STX2: variants seen among roughly 807,000 people sequenced by gnomAD.
STX2 encodes syntaxin-2.
STX2 carries 27 observed loss-of-function variants against 40.6 expected under a neutral mutation model. The ratio of observed to expected loss-of-function variants is 0.66; its 90% confidence interval spans 0.49 to 0.92. The LOEUF (loss-of-function observed/expected upper bound fraction) is 0.92, where lower values mean the gene tolerates loss of function less well. Among genes scored for constraint, STX2 ranks in the 40% least tolerant of loss-of-function variants. The probability of loss-of-function intolerance (pLI) is 0.00; values close to 1 mark genes in which losing one functional copy is unlikely to be tolerated. For synonymous variants in STX2, 123 were observed against 119.1 expected (o/e 1.03, Z -0.22); for missense variants, 328 against 366.1 (o/e 0.90, Z 0.85).
In STX2 at chr12:130,831,042, A is replaced by G. The variant is rs73457401; in HGVS notation, c.31-3775T>C. The stretch of plus-strand genomic sequence containing the variant: ...CTCCCTGTGTGAATACTATTGTCAG[A>G]AACAGGTAGCAGGTAGCTTCCTGGT... On this transcript the variant is annotated intron_variant, in intron 1 of 10. Transcript: ENST00000392373. 4.4e-3 allele frequency among the ~76,000 whole-genome samples: 672 copies of G among 152,356 alleles called. 10 individuals carry two copies. Among genetic ancestry groups the G allele is most frequent in the African/African-American group, 0.016 (649 of 41,586 alleles).
chr12:130,831,264 T>G (rs914594382), intron 1 of STX2, among the ~76,000 whole-genome samples: 7 of 152,220 alleles, frequency 4.6e-5, no homozygotes, highest in Non-Finnish European at 7.3e-5. Flanking sequence ...TTATAAACCT[T>G]GACATATACA....
intron 9 of STX2, among the ~76,000 whole-genome samples, chr12:130,796,915 C>T (rs1468160974): frequency 6.6e-6 from 1 of 152,162 alleles, no homozygotes; most frequent in Non-Finnish European, 1.5e-5. Flanking sequence ...CTCTGAGGGC[C>T]ACATGGCTCC....
intron 9 of STX2, 43 bp downstream of exon 9, chr12:130,798,482 A>G (rs1158556043): frequency 4.0e-6 from 6 of 1,482,742 alleles, no homozygotes; most frequent in Non-Finnish European, 5.5e-6. Context: ...TTGAAACCAA[A>G]TGAAGAGAAA....
At chr12:130,807,716 A>C (rs77570586) in intron 5 of STX2, among the ~76,000 whole-genome samples, 9,656 of 152,322 alleles carry the variant, frequency 0.063, 405 homozygotes, top group Non-Finnish European at 0.092. Context: ...TACTCTTTGG[A>C]ATAGAACTCT....
rs753212507 is a variant in STX2 at position 130,790,349 on chromosome 12, A to C, written c.*1674T>G. ...AATCAGGCATCTCTACATTAGTTTCAAACCAAATGGTGTTAAAAGTCACAT... is the reference window on the plus strand; with the variant it reads ...AATCAGGCATCTCTACATTAGTTTCCAACCAAATGGTGTTAAAAGTCACAT... On this transcript the variant is annotated 3_prime_UTR_variant, in exon 11 of 11. Coordinates refer to ENST00000392373, the MANE Select transcript of STX2 (RefSeq NM_194356.4). 3.9e-5 allele frequency: 6 copies of C among 152,188 alleles called. No individual in the cohort carries two copies. The highest frequency in any genetic ancestry group is 5.9e-5 in the Non-Finnish European group (4 of 68,032). The allele number at this position is 152,188 out of a possible 1,614,324, so 9.4% of individuals were successfully genotyped here.
intron 4 of STX2, 90 bp from the exon 5 acceptor site, chr12:130,808,794 G>T: frequency 8.7e-7 from 1 of 1,143,516 alleles, no homozygotes. Flanking sequence ...TCTTATCTTT[G>T]AAGTATCTTT....
chr12:130,795,874 G>T (rs992150148), intron 10 of STX2, 121 bp downstream of exon 10: 2 of 1,203,212 alleles, frequency 1.7e-6, no homozygotes, highest in South Asian at 1.8e-5. Context: ...TCACTAGATG[G>T]CATTATCTGT....
In STX2 at chr12:130,818,204, A is replaced by G. The variant is rs1951957951; in HGVS notation, c.205+3485T>C. On this transcript the variant is annotated intron_variant, in intron 3 of 10. Transcript: ENST00000392373. The stretch of plus-strand genomic sequence containing the variant: ...AAAAAAAATATATATATATATATAT[A>G]TATATATATATATAAAATTATCTGG... Among the ~76,000 whole-genome samples the G allele has an allele frequency of 2.4e-5, 3 of 124,738 alleles. No homozygotes were observed. In the South Asian group the frequency reaches 7.1e-4, roughly 29 times the overall value. The allele number at this position is 124,738 out of a possible 152,430, so 81.8% of individuals were successfully genotyped here.
At chr12:130,799,075 C>G (rs1192307312) in intron 8 of STX2, among the ~76,000 whole-genome samples, 3 of 152,196 alleles carry the variant, frequency 2.0e-5, no homozygotes, top group Non-Finnish European at 4.4e-5. Context: ...GTAAACTGAG[C>G]ATAGCTCACA....
intron 1 of STX2, among the ~76,000 whole-genome samples, chr12:130,836,583 C>T (rs1395384908): frequency 6.6e-6 from 1 of 152,152 alleles, no homozygotes; most frequent in Non-Finnish European, 1.5e-5. Flanking sequence ...CAGAAGGCTG[C>T]TTTTTATAAC....
intron 1 of STX2, among the ~76,000 whole-genome samples, 159 bp from the exon 2 acceptor site, chr12:130,827,426 T>C (rs950144024): frequency 6.6e-6 from 1 of 152,086 alleles, no homozygotes; most frequent in Non-Finnish European, 1.5e-5. Context: ...CCAACTGAAC[T>C]CCGCAACATT....
intron 1 of STX2, among the ~76,000 whole-genome samples, chr12:130,829,830 G>C (rs1052421575): frequency 6.6e-6 from 1 of 152,138 alleles, no homozygotes; most frequent in Non-Finnish European, 1.5e-5. Context: ...AATACCCATG[G>C]AGGGGGTGGG....
At chr12:130,810,302 A>G (rs113282465) in intron 4 of STX2, among the ~76,000 whole-genome samples, 1,619 of 152,344 alleles carry the variant, frequency 0.011, 37 homozygotes, top group African/African-American at 0.037. Flanking sequence ...AAAAATTTTT[A>G]GTCCTTCCTT....
intron 4 of STX2, chr12:130,810,817 C>T (rs1025035784): frequency 2.0e-5 from 3 of 152,280 alleles, no homozygotes; most frequent in South Asian, 4.1e-4. Flanking sequence ...GAGAGTCCAA[C>T]GCTGATCCTC....
In STX2 at chr12:130,796,107, A is replaced by G; in HGVS notation, c.800T>C (p.Ile267Thr). 1 of 1,614,150 alleles carries G rather than the reference A, an allele frequency of 6.2e-7. No homozygotes were observed. The highest frequency in any genetic ancestry group is 8.5e-7 in the Non-Finnish European group (1 of 1,180,026). ...AACCAGAACCACTGACACAGCAATA[A>G]TTATCCACTTTTTCTGTCAAAGAAA... is the stretch of plus-strand genomic sequence containing the variant. ...QSKARRKKWI[I>T]IAVSVVLVAI... Residue 267 changes from isoleucine to threonine, a missense_variant, in exon 10 of 11, where the codon ATT becomes ACT. Ile to Thr is a moderately conservative substitution (Grantham distance 89). Transcript: ENST00000392373.
intron 3 of STX2, among the ~76,000 whole-genome samples, chr12:130,816,857 G>C (rs1951877582): frequency 6.6e-6 from 1 of 152,224 alleles, no homozygotes; most frequent in Non-Finnish European, 1.5e-5. Context: ...AAACTGTGCT[G>C]ACTTGGAGAG....
intron 1 of STX2, among the ~76,000 whole-genome samples, 171 bp downstream of exon 1, chr12:130,838,899 G>C (rs1952828525): frequency 6.8e-6 from 1 of 148,082 alleles, no homozygotes; most frequent in South Asian, 2.2e-4. Flanking sequence ...CCCACCAGCA[G>C]TCCCCGCTCA....
intron 1 of STX2, among the ~76,000 whole-genome samples, chr12:130,837,522 G>T (rs1182053354): frequency 2.0e-5 from 3 of 152,134 alleles, no homozygotes; most frequent in Admixed American, 6.6e-5. Flanking sequence ...GACCTCAAGT[G>T]GTCCACCCAA....
chr12:130,831,866 ATTTTTTTT>A (rs60003050), intron 1 of STX2, among the ~76,000 whole-genome samples: 2 of 106,598 alleles, frequency 1.9e-5, no homozygotes, highest in South Asian at 3.3e-4. Context: ...CACTTCTGCA[ATTTTTTTT>A]TTTTTTTTTT....
Sources: allele counts gnomAD v4.1 joint callset (sites outside exome capture counted in the v4.1 genomes callset), GRCh38; gene constraint gnomAD v4.1.1; transcripts MANE v1.5; gene names NCBI Gene and HGNC (gene_info 2026-07-23, HGNC 2026-07-21).